Variants in ME2 observed in about 807,000 individuals in gnomAD.
ME2 encodes malic enzyme 2.
In ME2, 60 loss-of-function variants were observed where a neutral mutation model predicts 73.7. That is an observed-to-expected ratio of 0.81 (90% CI 0.66 to 1.01). The LOEUF (loss-of-function observed/expected upper bound fraction) is 1.01. Among genes scored for constraint, ME2 ranks in the 50% least tolerant of loss-of-function variants. The pLI, the probability that ME2 is intolerant of heterozygous loss-of-function variation, is 0.00. For synonymous variants in ME2, 199 were observed against 236.9 expected, an observed-to-expected ratio of 0.84 and a Z score of 1.47; for missense variants, 594 against 705.5, an observed-to-expected ratio of 0.84 and a Z score of 1.79.
chr18:50,915,091 C>T (rs1468423809), intron 4 of ME2, among the ~76,000 whole-genome samples: 1 of 110,164 alleles, frequency 9.1e-6, no homozygotes, highest in African/African-American at 5.7e-5. Flanking sequence ...AGACCAACCC[C>T]TCCTCCTCCT....
At chr18:50,917,267 G>A in intron 5 of ME2, 80 bp from the exon 6 acceptor site, 1 of 1,115,172 alleles carries the variant, frequency 9.0e-7, no homozygotes, top group Non-Finnish European at 1.3e-6. Context: ...TATATATGAA[G>A]TGAATCAATC....
intron 2 of ME2, among the ~76,000 whole-genome samples, chr18:50,899,178 A>T (rs1354057417): frequency 2.6e-5 from 4 of 152,248 alleles, no homozygotes; most frequent in Non-Finnish European, 5.9e-5. Flanking sequence ...TAATTATGAG[A>T]ATCTAATGCC....
chr18:50,883,273 G>A (rs951024639), intron 1 of ME2, among the ~76,000 whole-genome samples: 1 of 152,154 alleles, frequency 6.6e-6, no homozygotes, highest in South Asian at 2.1e-4. Context: ...GCCTGTGCTT[G>A]TTGCCCTGTC....
At chr18:50,879,415 C>A (rs1035535566) in intron 1 of ME2, 107 bp downstream of exon 1, 1 of 152,106 alleles carries the variant, frequency 6.6e-6, no homozygotes, top group Non-Finnish European at 1.5e-5. Flanking sequence ...CTCCGGCCTC[C>A]GCGCGTGCGG....
At chr18:50,885,107 C>G (rs925251587) in intron 1 of ME2, among the ~76,000 whole-genome samples, 15 of 152,180 alleles carry the variant, frequency 9.9e-5, no homozygotes, top group African/African-American at 3.6e-4. Context: ...CTGCCTGCCT[C>G]AGCCTCCCAA....
At chr18:50,920,422 T>G (rs753027874) in intron 7 of ME2, 34 bp from the exon 8 acceptor site, 69 of 1,390,168 alleles carry the variant, frequency 5.0e-5, no homozygotes, top group Non-Finnish European at 6.4e-5. Flanking sequence ...AGTGTTATTT[T>G]CAACACAACT....
intron 12 of ME2, among the ~76,000 whole-genome samples, chr18:50,928,439 C>A (rs1599116985): frequency 6.6e-6 from 1 of 150,766 alleles, no homozygotes; most frequent in South Asian, 2.1e-4. Flanking sequence ...GGGGTTTTAC[C>A]ATGTTAGCCA....
chr18:50,925,875 G>A lies in ME2; in HGVS notation c.1291G>A (p.Glu431Lys), dbSNP rs747643010. 2.1e-5 allele frequency: 34 copies of A among 1,609,954 alleles called. No homozygotes were observed. The Admixed American group carries it at 5.5e-4, about 26-fold the overall frequency. Residue 431 changes from glutamate (E) to lysine (K), a missense_variant, in exon 12 of 16, where the codon GAA (glutamate) becomes AAA (lysine). Coordinates refer to ENST00000321341, the MANE Select transcript of ME2 (RefSeq NM_002396.5). ...NPTAQAECTA[E>K]EAYTLTEGRC... is the part of the protein sequence containing the mutation. ...TACAGCACAGGCAGAGTGCACGGCTGAAGAAGCATATACACTTACAGAGGT... is the reference window on the plus strand; with the variant it reads ...TACAGCACAGGCAGAGTGCACGGCTAAAGAAGCATATACACTTACAGAGGT...
intron 12 of ME2, among the ~76,000 whole-genome samples, chr18:50,928,812 C>T (rs573513046): frequency 1.3e-5 from 2 of 152,250 alleles, no homozygotes; most frequent in South Asian, 4.1e-4. Context: ...CCATTTTCCT[C>T]TCTGTCATCA....
chr18:50,898,552 T>G (rs557134833), intron 2 of ME2, among the ~76,000 whole-genome samples: 2 of 152,276 alleles, frequency 1.3e-5, no homozygotes, highest in East Asian at 3.9e-4. Context: ...CCATCTCACC[T>G]TCCCGAGTAG....
intron 1 of ME2, 96 bp from the exon 2 acceptor site, chr18:50,895,713 T>G (rs1916722617): frequency 2.7e-6 from 2 of 752,720 alleles, no homozygotes; most frequent in Admixed American, 2.7e-5. Context: ...TTGCAGCCTG[T>G]GGAAACATAA....
At chr18:50,904,458 A>G (rs1273478880) in intron 2 of ME2, among the ~76,000 whole-genome samples, 2 of 150,156 alleles carry the variant, frequency 1.3e-5, no homozygotes, top group Non-Finnish European at 3.0e-5. Context: ...TTTTTTTTGT[A>G]TTTTTAGTAG....
chr18:50,897,287 G>C (rs908053061), intron 2 of ME2, among the ~76,000 whole-genome samples: 5 of 152,186 alleles, frequency 3.3e-5, no homozygotes, highest in Admixed American at 3.3e-4. Flanking sequence ...AAATATATTG[G>C]TTTTATATTT....
At chr18:50,927,749 T>C (rs1190339918) in intron 12 of ME2, among the ~76,000 whole-genome samples, 1 of 137,820 alleles carries the variant, frequency 7.3e-6, no homozygotes, top group Non-Finnish European at 1.5e-5. Flanking sequence ...TATATATATA[T>C]ATACACACCA....
intron 7 of ME2, 82 bp downstream of exon 7, chr18:50,918,295 T>A: frequency 4.8e-6 from 4 of 831,070 alleles, no homozygotes; most frequent in Non-Finnish European, 7.6e-6. Flanking sequence ...TTTGTTTTCC[T>A]TTATTTCTTT....
intron 15 of ME2, among the ~76,000 whole-genome samples, chr18:50,942,098 C>T (rs756627163): frequency 2.0e-5 from 3 of 151,918 alleles, no homozygotes; most frequent in Admixed American, 1.3e-4. Context: ...ATATTAATGC[C>T]TTCTGTCACT....
At position 50,920,678 on chromosome 18, in the gene ME2, C is replaced by T. The variant is rs1190656349; in HGVS notation, c.862C>T (p.Leu288=). Residue 288 remains leucine (L), a synonymous_variant, in exon 9 of 16, where the codon CTA becomes TTA. Coordinates refer to ENST00000321341, the MANE Select transcript of ME2 (RefSeq NM_002396.5). ...TCTTACAGGGACAGCTGCAGTAGCT[C>T]TAGCAGGTCTTCTTGCAGCACAAAA... ...DDIQGTAAVA[L]AGLLAAQKVI... 3.7e-6 allele frequency: 6 copies of T among 1,611,124 alleles called. No homozygotes were observed. In the Admixed American group the frequency reaches 8.4e-5, roughly 23 times the overall value.
rs1182196966 is a variant in ME2 at position 50,950,467 on chromosome 18, C to CTTTT, written c.*3308_*3311dup. The CTTTT allele has an allele frequency of 4.4e-5, 2 of 45,088 alleles. No individual in the cohort carries two copies. The highest frequency in any genetic ancestry group is 9.0e-4 in the East Asian group (1 of 1,112). 2.8% of individuals were successfully genotyped at this position (45,088 alleles called of 1,614,324 possible). On this transcript the variant is annotated 3_prime_UTR_variant, in exon 16 of 16. Transcript: ENST00000321341. ...GCCTGGGGTGGGGCCTCAGATTCTGCTTTTTTTTTTTTTTTTTTTTTTTTT... is the reference window on the plus strand; with the variant it reads ...GCCTGGGGTGGGGCCTCAGATTCTGCTTTTTTTTTTTTTTTTTTTTTTTTTTTTT...
chr18:50,917,330 A>AT lies in ME2; in HGVS notation c.469-10dup, dbSNP rs371966220. On this transcript the variant is annotated splice_polypyrimidine_tract_variant and intron_variant, in intron 5 of 15. Transcript: ENST00000321341. ...CCATTTTTGACAACTTTTAATTTGCATTTTTTTGTGATTAAGGCTGTTGTA... is the reference window on the plus strand; with the variant it reads ...CCATTTTTGACAACTTTTAATTTGCATTTTTTTTGTGATTAAGGCTGTTGTA... 2.8e-5 allele frequency: 45 copies of AT among 1,588,566 alleles called. No individual in the cohort carries two copies. The highest frequency in any genetic ancestry group is 3.5e-5 in the Admixed American group (2 of 57,552).
Sources: gnomAD v4.1 joint callset for allele counts (sites outside exome capture counted in the v4.1 genomes callset) on GRCh38, gnomAD v4.1.1 for gene constraint, MANE v1.5 for transcripts, NCBI Gene and HGNC (gene_info 2026-07-23, HGNC 2026-07-21) for gene names.